TUBGCP3: variants seen among roughly 807,000 people sequenced by gnomAD.
TUBGCP3 encodes the protein gamma-tubulin complex component 3.
A neutral mutation model predicts 123.1 loss-of-function variants in TUBGCP3; 50 were observed. That is an observed-to-expected ratio of 0.41 (90% CI 0.32 to 0.51). TUBGCP3 has a LOEUF of 0.51. Among genes scored for constraint, TUBGCP3 ranks in the 20% least tolerant of loss-of-function variants. The probability of loss-of-function intolerance (pLI) is 0.36; values close to 1 mark genes in which losing one functional copy is unlikely to be tolerated. For synonymous variants in TUBGCP3, 405 were observed against 413.9 expected (o/e 0.98, Z 0.26); for missense variants, 882 against 1,127.0 (o/e 0.78, Z 3.11).
Position 112,554,417 on chromosome 13 carries a change from G to A in TUBGCP3, c.841-235C>T, listed in dbSNP as rs569877241. 3.3e-5 allele frequency among the ~76,000 whole-genome samples: 5 copies of A among 152,302 alleles called. No individual in the cohort carries two copies. The East Asian group carries it at 9.7e-4, about 29-fold the overall frequency. On this transcript the variant is annotated intron_variant, in intron 7 of 21. Coordinates refer to ENST00000261965, the MANE Select transcript of TUBGCP3 (RefSeq NM_006322.6). ...TCACACCACCCTGCAGTTGGCCTGC[G>A]GTGTGGCAGAGAAGGTCTGTGATCT...
chr13:112,502,410 C>T (rs185574891), intron 19 of TUBGCP3, among the ~76,000 whole-genome samples: 2 of 152,180 alleles, frequency 1.3e-5, no homozygotes, highest in African/African-American at 2.4e-5. Flanking sequence ...CAATGCTTGT[C>T]GGCATCTGCT....
intron 19 of TUBGCP3, among the ~76,000 whole-genome samples, chr13:112,500,179 A>C (rs1880809644): frequency 6.6e-6 from 1 of 152,230 alleles, no homozygotes; most frequent in African/African-American, 2.4e-5. Context: ...CTGAGGGCTG[A>C]GCGGGGGTTA....
At chr13:112,585,395 A>G (rs1882537305) in intron 1 of TUBGCP3, among the ~76,000 whole-genome samples, 1 of 152,260 alleles carries the variant, frequency 6.6e-6, no homozygotes, top group African/African-American at 2.4e-5. Context: ...TATATCATAA[A>G]TGCTTGACAA....
At chr13:112,596,456 C>A in the TUBGCP3 span, among the ~76,000 whole-genome samples, 1 of 152,254 alleles carries the variant, frequency 6.6e-6, no homozygotes, top group South Asian at 2.1e-4. Context: ...GTAGTGAGAA[C>A]TTTTCTTTCA....
intron 19 of TUBGCP3, among the ~76,000 whole-genome samples, chr13:112,501,710 A>C (rs1213161078): frequency 1.3e-5 from 2 of 152,176 alleles, no homozygotes; most frequent in Non-Finnish European, 2.9e-5. Context: ...AAATCATCAA[A>C]TTAAAGAGTA....
At chr13:112,486,289 G>A in intron 21 of TUBGCP3, 138 bp from the exon 22 acceptor site, 1 of 1,097,434 alleles carries the variant, frequency 9.1e-7, no homozygotes, top group South Asian at 1.7e-5. Context: ...GCCCACCAGG[G>A]CAGGTGTCCA....
At chr13:112,487,562 T>C (rs957190862) in intron 21 of TUBGCP3, among the ~76,000 whole-genome samples, 4 of 152,234 alleles carry the variant, frequency 2.6e-5, no homozygotes, top group African/African-American at 7.2e-5. Flanking sequence ...ACAAAGGATT[T>C]GTAAGTCTGA....
At chr13:112,561,381 G>A (rs919865900) in intron 3 of TUBGCP3, among the ~76,000 whole-genome samples, 3 of 152,174 alleles carry the variant, frequency 2.0e-5, no homozygotes, top group Admixed American at 6.5e-5. Context: ...ACCACACTAT[G>A]ACAGGGCTTA....
intron 20 of TUBGCP3, among the ~76,000 whole-genome samples, chr13:112,493,585 G>A (rs556093903): frequency 1.3e-4 from 19 of 150,544 alleles, no homozygotes; most frequent in Admixed American, 1.1e-3. Flanking sequence ...CTAGCTATAG[G>A]AACATGGCCT....
chr13:112,537,126 CCTTTT>C (rs1566559774), intron 11 of TUBGCP3, among the ~76,000 whole-genome samples: 1 of 123,254 alleles, frequency 8.1e-6, no homozygotes, highest in African/African-American at 3.6e-5. Flanking sequence ...TTACCTTTTT[CCTTTT>C]TTTTTTTTTT....
chr13:112,588,120 A>T lies in TUBGCP3; in HGVS notation c.-140T>A. On this transcript the variant is annotated 5_prime_UTR_variant, in exon 1 of 22. Transcript: ENST00000261965. ...TAAGGCGCGGGCGCCGCCGGCCACC[A>T]GGGCGCCATTTTAACGGAACCCGCC... is the stretch of plus-strand genomic sequence containing the variant. 3.0e-6 allele frequency: 2 copies of T among 659,250 alleles called. No homozygotes were observed. Among genetic ancestry groups the T allele is most frequent in the Non-Finnish European group, 4.4e-6 (2 of 449,562 alleles). 40.8% of individuals were successfully genotyped at this position (659,250 alleles called of 1,614,324 possible). A position where few individuals can be genotyped will look rare whatever the true frequency, so the allele number is the denominator to read the frequency against.
At chr13:112,539,878 A>G in intron 11 of TUBGCP3, among the ~76,000 whole-genome samples, 1 of 143,660 alleles carries the variant, frequency 7.0e-6, no homozygotes, top group Non-Finnish European at 1.5e-5. Flanking sequence ...GGGAAAGGAT[A>G]CCTGGGAGTG....
intron 20 of TUBGCP3, among the ~76,000 whole-genome samples, chr13:112,490,584 AATTAT>A (rs1190800373): frequency 6.6e-6 from 1 of 152,220 alleles, no homozygotes; most frequent in East Asian, 1.9e-4. Flanking sequence ...AAATATGGTG[AATTAT>A]ATTACTGGAT....
rs72656146 is a variant in TUBGCP3, at chr13:112,499,705, C to A, written c.2308-520G>T. ...TTTAAAAAATGTATCATAGTTTATA[C>A]CAGAAATAAAAGGATACCTTAACAT... On this transcript the variant is annotated intron_variant, in intron 19 of 21. Coordinates refer to ENST00000261965, the MANE Select transcript of TUBGCP3 (RefSeq NM_006322.6). Among the ~76,000 whole-genome samples the A allele has an allele frequency of 4.0e-3, 611 of 151,948 alleles. 3 individuals carry two copies. Among genetic ancestry groups the A allele is most frequent in the Non-Finnish European group, 6.7e-3 (456 of 67,966 alleles).
chr13:112,571,943 G>C (rs1164761222), intron 1 of TUBGCP3, among the ~76,000 whole-genome samples: 1 of 152,160 alleles, frequency 6.6e-6, no homozygotes, highest in Admixed American at 6.5e-5. Flanking sequence ...ACAGAATTAA[G>C]GTCTTGCTCA....
At chr13:112,493,284 CG>C (rs1880256542) in intron 20 of TUBGCP3, among the ~76,000 whole-genome samples, 2 of 147,682 alleles carry the variant, frequency 1.4e-5, no homozygotes, top group African/African-American at 5.0e-5. Flanking sequence ...GCTATGGGAA[CG>C]AGGCCTGGTG....
intron 13 of TUBGCP3, among the ~76,000 whole-genome samples, chr13:112,522,951 G>C (rs966957035): frequency 6.6e-6 from 1 of 152,176 alleles, no homozygotes; most frequent in Non-Finnish European, 1.5e-5. Flanking sequence ...ATGCACCATA[G>C]AGTGAACTCT....
chr13:112,521,381 T>C lies in TUBGCP3; in HGVS notation c.1745+939A>G, dbSNP rs537345382. ...GGGAGACTGGCTTCTGGCTAGAAGG[T>C]AGGATGTAAGAGCCTGCATGTCTCA... is the stretch of plus-strand genomic sequence containing the variant. On this transcript the variant is annotated intron_variant, in intron 14 of 21. Transcript: ENST00000261965. Among the ~76,000 whole-genome samples, 22 of 152,222 alleles carry C rather than the reference T, an allele frequency of 1.4e-4. No individual in the cohort carries two copies. The South Asian group carries it at 3.5e-3, about 24-fold the overall frequency.
At chr13:112,516,706 C>G (rs1053428101) in intron 16 of TUBGCP3, 131 bp from the exon 17 acceptor site, 17 of 1,123,568 alleles carry the variant, frequency 1.5e-5, no homozygotes, top group Middle Eastern at 2.8e-4. Flanking sequence ...AGTAAAGTCA[C>G]AGTAACAGAA....
Sources: gnomAD v4.1 joint callset for allele counts (sites outside exome capture counted in the v4.1 genomes callset) on GRCh38, gnomAD v4.1.1 for gene constraint, MANE v1.5 for transcripts, NCBI Gene and HGNC (gene_info 2026-07-23, HGNC 2026-07-21) for gene names.